The following PCDHA5 variants were observed in gnomAD, a reference collection of about 807,000 sequenced individuals.
PCDHA5 encodes the protein protocadherin alpha 5.
In PCDHA5, 43 loss-of-function variants were observed where a neutral mutation model predicts 61.6. That is an observed-to-expected ratio of 0.70 (90% CI 0.55 to 0.90). The LOEUF is 0.90. Among genes scored for constraint, PCDHA5 ranks in the 40% least tolerant of loss-of-function variants. PCDHA5 has a pLI of 0.00. For missense variants in PCDHA5, 1,298 were observed against 1,222.7 expected (o/e 1.06, Z -0.92); for synonymous variants, 627 against 543.9 (o/e 1.15, Z -2.13).
intron 1 of PCDHA5, among the ~76,000 whole-genome samples, chr5:140,880,362 A>G (rs1005788716): frequency 4.6e-5 from 7 of 152,236 alleles, no homozygotes; most frequent in Non-Finnish European, 1.0e-4. Context: ...ATTTAGATGA[A>G]AACCATGAGA....
intron 1 of PCDHA5, among the ~76,000 whole-genome samples, chr5:140,943,273 A>AG (rs1157586895): frequency 6.7e-6 from 1 of 150,362 alleles, no homozygotes; most frequent in Non-Finnish European, 1.5e-5. Flanking sequence ...AAAAAAAAAA[A>AG]AAAAGAAAGA....
At chr5:140,848,529 C>T (rs2150412022) in intron 1 of PCDHA5, 7 of 1,594,446 alleles carry the variant, frequency 4.4e-6, no homozygotes, top group Non-Finnish European at 6.0e-6. Flanking sequence ...TCCAGAGGGT[C>T]AGCCTCTACT....
intron 1 of PCDHA5, among the ~76,000 whole-genome samples, chr5:140,844,191 G>A (rs1554140562): frequency 6.7e-6 from 1 of 149,410 alleles, no homozygotes; most frequent in South Asian, 2.1e-4. Flanking sequence ...CATCTTATCT[G>A]ACTTTTTAGT....
At chr5:140,850,587 G>A in intron 1 of PCDHA5, 1 of 1,598,490 alleles carries the variant, frequency 6.3e-7, no homozygotes, top group South Asian at 1.1e-5. Flanking sequence ...GGATGTCAAC[G>A]TGTACCTGAT....
chr5:140,880,090 G>A (rs977793027), intron 1 of PCDHA5, among the ~76,000 whole-genome samples: 3 of 152,136 alleles, frequency 2.0e-5, no homozygotes, highest in Admixed American at 2.0e-4. Context: ...ATTATAGTAG[G>A]CTTAAAATCA....
chr5:140,825,628 G>C (rs1393411798), intron 1 of PCDHA5: 1 of 151,664 alleles, frequency 6.6e-6, no homozygotes, highest in Non-Finnish European at 1.5e-5. Flanking sequence ...CACCATGTTG[G>C]TCATGGTGGT....
chr5:140,852,387 C>T (rs1288868596), intron 1 of PCDHA5: 3 of 184,816 alleles, frequency 1.6e-5, no homozygotes, highest in African/African-American at 4.9e-5. Context: ...AAGCAATTCT[C>T]CTGCCTCAGC....
intron 1 of PCDHA5, chr5:140,842,749 G>A: frequency 1.9e-6 from 3 of 1,595,014 alleles, no homozygotes; most frequent in Non-Finnish European, 1.7e-6. Flanking sequence ...ACATCTTCAC[G>A]GTGTCTGCGC....
At chr5:140,941,317 CTCT>C (rs2093029316) in intron 1 of PCDHA5, among the ~76,000 whole-genome samples, 2 of 99,150 alleles carry the variant, frequency 2.0e-5, no homozygotes, top group Non-Finnish European at 4.2e-5. Flanking sequence ...TTTCTTCTTT[CTCT>C]TTTTTTTTTT....
At chr5:140,953,331 A>G (rs2153698892) in intron 1 of PCDHA5, among the ~76,000 whole-genome samples, 1 of 152,248 alleles carries the variant, frequency 6.6e-6, no homozygotes, top group South Asian at 2.1e-4. Flanking sequence ...CATAGAATTT[A>G]GGGCTCACCT....
chr5:140,862,502 G>A (rs2047397445), intron 1 of PCDHA5: 2 of 398,710 alleles, frequency 5.0e-6, no homozygotes, highest in Non-Finnish European at 5.0e-6. Flanking sequence ...TCGGAATGGG[G>A]ACTCGCTTTC....
chr5:140,947,760 A>G (rs1332466215), intron 1 of PCDHA5, among the ~76,000 whole-genome samples: 1 of 151,618 alleles, frequency 6.6e-6, no homozygotes, highest in Admixed American at 6.6e-5. Context: ...TTATGGTTTA[A>G]AAAATTCTAT....
At chr5:140,921,811 T>C (rs1484171257) in intron 1 of PCDHA5, among the ~76,000 whole-genome samples, 1 of 152,096 alleles carries the variant, frequency 6.6e-6, no homozygotes, top group Non-Finnish European at 1.5e-5. Context: ...ATAAGATACA[T>C]GTGTGAATAT....
chr5:140,840,105 T>A (rs1418979878), intron 1 of PCDHA5, among the ~76,000 whole-genome samples: 1 of 151,974 alleles, frequency 6.6e-6, no homozygotes, highest in Non-Finnish European at 1.5e-5. Context: ...TTTAGTGAAA[T>A]CGAGTGAAAG....
intron 1 of PCDHA5, among the ~76,000 whole-genome samples, chr5:140,887,879 A>G (rs956379948): frequency 1.3e-5 from 2 of 152,154 alleles, no homozygotes; most frequent in South Asian, 4.1e-4. Context: ...TTCCTTTTGT[A>G]GTATCATATC....
chr5:140,854,159 CA>C (rs59855104), intron 1 of PCDHA5: 9,606 of 340,020 alleles, frequency 0.028, 6 homozygotes, highest in Non-Finnish European at 0.032. Context: ...GATTCTGTCT[CA>C]AAAAAAAAAA....
At chr5:140,858,570 C>A (rs1212586718) in intron 1 of PCDHA5, 2 of 1,363,070 alleles carry the variant, frequency 1.5e-6, no homozygotes, top group Non-Finnish European at 1.0e-6. Flanking sequence ...TCTAGTGATA[C>A]CTTTGTAATA....
At chr5:140,839,113 G>A (rs2150294815) in intron 1 of PCDHA5, among the ~76,000 whole-genome samples, 18 of 151,872 alleles carry the variant, frequency 1.2e-4, no homozygotes, top group African/African-American at 4.4e-4. Flanking sequence ...TTACCATTAA[G>A]CCATAATATG....
chr5:140,841,255 C>G, intron 1 of PCDHA5: 8 of 1,511,904 alleles, frequency 5.3e-6, no homozygotes, highest in Non-Finnish European at 7.1e-6. Flanking sequence ...GATTAAAAGA[C>G]TCTGAAAGTA....
Sources: gnomAD v4.1 joint callset for allele counts (sites outside exome capture counted in the v4.1 genomes callset) on GRCh38, gnomAD v4.1.1 for gene constraint, MANE v1.5 for transcripts, NCBI Gene and HGNC (gene_info 2026-07-23, HGNC 2026-07-21) for gene names.